Variants in SLC22A15 observed in about 807,000 individuals in gnomAD.
The protein encoded by SLC22A15 is solute carrier family 22 member 15, also known as flipt 1.
SLC22A15 carries 45 observed loss-of-function variants against 62.7 expected under a neutral mutation model. The ratio of observed to expected loss-of-function variants is 0.72; its 90% CI spans 0.56 to 0.92. The LOEUF (loss-of-function observed/expected upper bound fraction) is 0.92. Ranked by LOEUF, SLC22A15 falls within the 40% of genes least tolerant of loss-of-function variation. SLC22A15 has a pLI of 0.00. For synonymous variants in SLC22A15, 264 were observed against 267.0 expected (o/e 0.99, Z 0.11); for missense variants, 622 against 665.6 (o/e 0.93, Z 0.72).
chr1:116,001,288 A>C (rs1432711341), intron 2 of SLC22A15, among the ~76,000 whole-genome samples: 1 of 151,132 alleles, frequency 6.6e-6, no homozygotes, highest in African/African-American at 2.4e-5. Context: ...TGAGAGTTTG[A>C]TTATTAAATG....
chr1:115,992,978 C>G (rs1655230324), intron 2 of SLC22A15, among the ~76,000 whole-genome samples: 1 of 152,120 alleles, frequency 6.6e-6, no homozygotes, highest in African/African-American at 2.4e-5. Flanking sequence ...GGCACCTTGA[C>G]TATACAATGT....
chr1:116,023,490 C>T (rs971531915), intron 4 of SLC22A15, among the ~76,000 whole-genome samples: 7 of 152,162 alleles, frequency 4.6e-5, no homozygotes, highest in Admixed American at 2.6e-4. Flanking sequence ...TAACATATTG[C>T]TATGTATGCT....
intron 2 of SLC22A15, among the ~76,000 whole-genome samples, chr1:115,993,428 A>AGTGTGTGTGTGTGT (rs762008398): frequency 4.9e-5 from 7 of 143,460 alleles, no homozygotes; most frequent in Admixed American, 1.4e-4. Context: ...AGTGTGTGAG[A>AGTGTGTGTGTGTGT]GTGTGTGTGT....
chr1:116,063,480 A>G (rs1295674884), intron 9 of SLC22A15, among the ~76,000 whole-genome samples: 43 of 152,204 alleles, frequency 2.8e-4, no homozygotes, highest in Admixed American at 2.6e-3. Context: ...GCTTTGCAGA[A>G]CTGCTTCTGT....
rs746086258 is a variant in SLC22A15 at position 116,031,453 on chromosome 1, C to T, written c.816C>T (p.Asn272=). The change falls in exon 6 of 12, where the codon AAC becomes AAT. Residue 272 remains asparagine (N), a synonymous_variant. Transcript: ENST00000369503. ...CGCTGTACCTCATTGCCAAGAGGAA[C>T]CGCAAACTCAAGTGCACGTTCTCAC... ...EEALYLIAKR[N]RKLKCTFSLT... 6.2e-7 allele frequency: 1 copy of T among 1,613,990 alleles called. No homozygotes were observed. Among genetic ancestry groups the T allele is most frequent in the South Asian group, 1.1e-5 (1 of 91,084 alleles).
In SLC22A15 at chr1:116,067,986, A is replaced by G. The variant is rs1258661247; in HGVS notation, c.*878A>G. ...ATGTTGAGCACCTGGAGGAAAAAAA[A>G]GGTGCAGTTTTTAATAAGAGAGAAA... On this transcript the variant is annotated 3_prime_UTR_variant, in exon 12 of 12. Transcript: ENST00000369503. 2 of 152,242 alleles carry G rather than the reference A, an allele frequency of 1.3e-5. No homozygotes were observed. The highest frequency in any genetic ancestry group is 2.4e-5 in the African/African-American group (1 of 41,414). 9.4% of individuals were successfully genotyped at this position (152,242 alleles called of 1,614,324 possible).
chr1:116,040,876 G>T (rs1344074780), intron 8 of SLC22A15, among the ~76,000 whole-genome samples: 1 of 152,218 alleles, frequency 6.6e-6, no homozygotes, highest in Non-Finnish European at 1.5e-5. Context: ...AAAGTGCTGG[G>T]ATTATAGGCA....
At chr1:116,057,347 C>T (rs974469049) in intron 8 of SLC22A15, among the ~76,000 whole-genome samples, 2,388 of 151,764 alleles carry the variant, frequency 0.016, 69 homozygotes, top group African/African-American at 0.055. Flanking sequence ...CAAATCAAAA[C>T]CACAATGAGA....
intron 5 of SLC22A15, among the ~76,000 whole-genome samples, chr1:116,030,144 T>G (rs1657322580): frequency 6.6e-6 from 1 of 152,192 alleles, no homozygotes; most frequent in Admixed American, 6.5e-5. Flanking sequence ...TGTTCCTGCT[T>G]TTGCTGACAG....
chr1:115,980,273 C>A (rs2101045680), intron 1 of SLC22A15, among the ~76,000 whole-genome samples: 1 of 152,068 alleles, frequency 6.6e-6, no homozygotes, highest in East Asian at 1.9e-4. Context: ...AGAAACTATA[C>A]CCCATTTAGA....
At chr1:115,999,502 C>CTT (rs71096857) in intron 2 of SLC22A15, among the ~76,000 whole-genome samples, 2 of 133,944 alleles carry the variant, frequency 1.5e-5, no homozygotes, top group Admixed American at 7.4e-5. Context: ...TATTTTTGTT[C>CTT]TTTTTTTTTT....
At chr1:116,002,218 C>A (rs1372463319) in intron 2 of SLC22A15, among the ~76,000 whole-genome samples, 2 of 152,216 alleles carry the variant, frequency 1.3e-5, no homozygotes, top group Admixed American at 1.3e-4. Context: ...CCATGCTGAG[C>A]TCCCTGGAGT....
rs973685929 is a variant in SLC22A15, at chr1:116,052,316, C to A, written c.1172-10446C>A. ...ATTGCTAGCACAGCAGTCTGAGATC[C>A]AACTGCAAGGTGGCAGCGAGGCTGG... is the stretch of plus-strand genomic sequence containing the variant. On this transcript the variant is annotated intron_variant, in intron 8 of 11. Coordinates refer to ENST00000369503, the MANE Select transcript of SLC22A15 (RefSeq NM_018420.3). 8.0e-4 allele frequency among the ~76,000 whole-genome samples: 122 copies of A among 152,322 alleles called. 1 individual carries two copies. Among genetic ancestry groups the A allele is most frequent in the African/African-American group, 2.8e-3 (118 of 41,564 alleles).
chr1:116,060,603 G>C (rs1044813285), intron 8 of SLC22A15, among the ~76,000 whole-genome samples: 2 of 152,174 alleles, frequency 1.3e-5, no homozygotes, highest in African/African-American at 4.8e-5. Flanking sequence ...GAGATCATTT[G>C]CAATCAAGCA....
chr1:116,067,028 A>C lies in SLC22A15; in HGVS notation c.1564A>C (p.Lys522Gln). Residue 522 changes from lysine to glutamine, a missense_variant, in exon 12 of 12, where the codon AAG (lysine) becomes CAG (glutamine). Physicochemically the swap from Lys to Gln is moderately conservative, Grantham distance 53. Transcript: ENST00000369503. ...TTCTTTCCTGTTTCAGTGTGTGGAC[A>C]AGGAGAGCTCTTTAGGGAGTGAGAG... The part of the protein sequence containing the change: ...QALDPQQCVD[K>Q]ESSLGSESEE... The C allele has an allele frequency of 6.2e-7, 1 of 1,611,534 alleles. No homozygotes were observed.
At chr1:116,048,929 C>T (rs1657991087) in intron 8 of SLC22A15, among the ~76,000 whole-genome samples, 1 of 152,122 alleles carries the variant, frequency 6.6e-6, no homozygotes, top group African/African-American at 2.4e-5. Flanking sequence ...CAAATGGACA[C>T]AAAAAGTGAG....
intron 10 of SLC22A15, among the ~76,000 whole-genome samples, chr1:116,066,271 C>T (rs766877315): frequency 6.6e-6 from 1 of 152,192 alleles, no homozygotes; most frequent in African/African-American, 2.4e-5. Context: ...CATGAAATTG[C>T]TGCTTCTAAT....
In SLC22A15 at chr1:116,069,325, TA is replaced by T. The variant is rs1658565359; in HGVS notation, c.*2222del. The T allele has an allele frequency of 6.6e-6, 1 of 152,340 alleles. No individual in the cohort carries two copies. Among genetic ancestry groups the T allele is most frequent in the Admixed American group, 6.5e-5 (1 of 15,292 alleles). The allele number at this position is 152,340 out of a possible 1,614,324, so 9.4% of individuals were successfully genotyped here. A position where few individuals can be genotyped will look rare whatever the true frequency, so the allele number is the denominator to read the frequency against. ...TAAAATCAAAATTTTCTCCTTTTGA[TA>T]AAAACTGTTGAATACTATTGATGTA... On this transcript the variant is annotated 3_prime_UTR_variant, in exon 12 of 12. Transcript: ENST00000369503.
intron 1 of SLC22A15, among the ~76,000 whole-genome samples, chr1:115,982,021 T>C (rs770737875): frequency 7.9e-5 from 12 of 152,244 alleles, no homozygotes; most frequent in Non-Finnish European, 1.5e-5. Flanking sequence ...AAGTTTAATT[T>C]GTTTTGCAAG....
Sources: allele counts gnomAD v4.1 joint callset (sites outside exome capture counted in the v4.1 genomes callset), GRCh38; gene constraint gnomAD v4.1.1; transcripts MANE v1.5; gene names NCBI Gene and HGNC (gene_info 2026-07-23, HGNC 2026-07-21).